LYNX1: variants seen among roughly 807,000 people sequenced by gnomAD.
LYNX1 encodes the protein Ly6/neurotoxin 1, also known as ly-6/neurotoxin-like protein 1.
LYNX1 carries 8 observed loss-of-function variants against 8.3 expected under a neutral mutation model. That is an observed-to-expected ratio of 0.97 (90% CI 0.57 to 1.74). The LOEUF (loss-of-function observed/expected upper bound fraction) is 1.74. Ranked by LOEUF, LYNX1 falls within the 40% of genes most tolerant of loss-of-function variation. The probability of loss-of-function intolerance (pLI) is 0.00; values close to 1 mark genes in which losing one functional copy is unlikely to be tolerated. For missense variants in LYNX1, 158 were observed against 159.7 expected (o/e 0.99, Z 0.06); for synonymous variants, 73 against 67.9 (o/e 1.08, Z -0.37).
chr8:142,775,701 T>G lies in LYNX1; in HGVS notation c.53-7A>C, dbSNP rs373637760. On this transcript the variant is annotated splice_polypyrimidine_tract_variant and splice_region_variant and intron_variant, in intron 2 of 3. Coordinates refer to ENST00000652477, the MANE Select transcript of LYNX1 (RefSeq NM_177477.4). Reference sequence around the variant, plus strand: ...TGGCAGTCCAAGGCCTGGGCTGGGGTTGGCAGATGGGCGGGAAGGGAACGG... The same window carrying G: ...TGGCAGTCCAAGGCCTGGGCTGGGGGTGGCAGATGGGCGGGAAGGGAACGG... 6.3e-6 allele frequency: 10 copies of G among 1,588,752 alleles called. No homozygotes were observed. Among genetic ancestry groups the G allele is most frequent in the Non-Finnish European group, 8.6e-6 (10 of 1,167,506 alleles).
In LYNX1 at chr8:142,773,537, GC is replaced by G; in HGVS notation, c.*1629del. The G allele has an allele frequency of 1.0e-6, 1 of 985,548 alleles. No individual in the cohort carries two copies. Among genetic ancestry groups the G allele is most frequent in the Non-Finnish European group, 1.2e-6 (1 of 830,046 alleles). The allele number at this position is 985,548 out of a possible 1,614,324, so 61.1% of individuals were successfully genotyped here. ...TCCTCCTCCAGCGGGAACTGGGTGT[GC>G]CCTCAGCAAGACTCTGCCCCCTCCC... On this transcript the variant is annotated 3_prime_UTR_variant, in exon 4 of 4. Coordinates refer to ENST00000652477, the MANE Select transcript of LYNX1 (RefSeq NM_177477.4).
rs1815255146 is a variant in LYNX1 at position 142,773,226 on chromosome 8, T to C, written c.*1941A>G. The C allele has an allele frequency of 4.1e-6, 4 of 985,436 alleles. No homozygotes were observed. Among genetic ancestry groups the C allele is most frequent in the African/African-American group, 3.5e-5 (2 of 57,254 alleles). 61.0% of individuals were successfully genotyped at this position (985,436 alleles called of 1,614,324 possible). On this transcript the variant is annotated 3_prime_UTR_variant, in exon 4 of 4. Coordinates refer to ENST00000652477, the MANE Select transcript of LYNX1 (RefSeq NM_177477.4). ...TGGCTGCAGCTGAGAGGGCCTCATT[T>C]GGGCACTGCCCTGAGGCTGGCACTT... is the stretch of plus-strand genomic sequence containing the variant.
intron 3 of LYNX1, 23 bp downstream of exon 3, chr8:142,775,570 C>T: frequency 1.3e-6 from 2 of 1,570,730 alleles, no homozygotes; most frequent in South Asian, 1.2e-5. Context: ...CCAGGCAGGG[C>T]CACGCAGGGC....
intron 1 of LYNX1, chr8:142,776,703 T>A (rs999602833): frequency 6.6e-6 from 1 of 152,350 alleles, no homozygotes; most frequent in Non-Finnish European, 1.5e-5. Flanking sequence ...TGTGCCCAGC[T>A]TGGGGGGAAT....
chr8:142,775,211 C>T lies in LYNX1; in HGVS notation c.307G>A (p.Ala103Thr). Residue 103 changes from alanine (A) to threonine (T), a missense_variant, in exon 4 of 4, where the codon GCC becomes ACC. Transcript: ENST00000652477. ...GTGGCCAGGAGGATGGGGGCCAGGG[C>T]CAGGGTGGCCGGGGTGGCAAGGCCG... ...GTGLATPATL[A>T]LAPILLATLW... 6.2e-7 allele frequency: 1 copy of T among 1,612,940 alleles called. No individual in the cohort carries two copies. Among genetic ancestry groups the T allele is most frequent in the East Asian group, 2.2e-5 (1 of 44,854 alleles).
chr8:142,775,675 G>A lies in LYNX1; in HGVS notation c.72C>T (p.His24=), dbSNP rs775935859. 10 of 1,600,586 alleles carry A rather than the reference G, an allele frequency of 6.2e-6. No individual in the cohort carries two copies. Among genetic ancestry groups the A allele is most frequent in the Middle Eastern group, 1.6e-4 (1 of 6,076 alleles). Residue 24 remains histidine, a synonymous_variant, in exon 3 of 4, where the codon CAC becomes CAT. Transcript: ENST00000652477. ...GLPLAQALDC[H]VCAYNGDNCF... The stretch of plus-strand genomic sequence containing the variant: ...AGTTGTCTCCGTTGTAGGCACACAC[G>A]TGGCAGTCCAAGGCCTGGGCTGGGG...
In LYNX1 at chr8:142,776,128, A is replaced by G. The variant is rs1815415560; in HGVS notation, c.-164-7T>C. ...TACTGGGAGTGCTGCAACCCTGCACAGCAGGTGGCAAAGACAGGTGGTCAG... is the reference window on the plus strand; with the variant it reads ...TACTGGGAGTGCTGCAACCCTGCACGGCAGGTGGCAAAGACAGGTGGTCAG... On this transcript the variant is annotated splice_polypyrimidine_tract_variant and splice_region_variant and intron_variant, in intron 1 of 3. Coordinates refer to ENST00000652477, the MANE Select transcript of LYNX1 (RefSeq NM_177477.4). The G allele has an allele frequency of 1.4e-6, 1 of 731,646 alleles. No individual in the cohort carries two copies. Among genetic ancestry groups the G allele is most frequent in the African/African-American group, 1.7e-5 (1 of 57,810 alleles). 45.3% of individuals were successfully genotyped at this position (731,646 alleles called of 1,614,324 possible). A position where few individuals can be genotyped will look rare whatever the true frequency, so the allele number is the denominator to read the frequency against.
chr8:142,775,678 G>A lies in LYNX1; in HGVS notation c.69C>T (p.Cys23=), dbSNP rs34798388. ...TGTCTCCGTTGTAGGCACACACGTG[G>A]CAGTCCAAGGCCTGGGCTGGGGTTG... ...MGLPLAQALD[C]HVCAYNGDNC... is the part of the protein sequence containing the mutation. The change falls in exon 3 of 4, where the codon TGC becomes TGT. Residue 23 remains cysteine (C), a synonymous_variant. Coordinates refer to ENST00000652477, the MANE Select transcript of LYNX1 (RefSeq NM_177477.4). 0.01 allele frequency: 16,213 copies of A among 1,598,770 alleles called. 119 individuals are homozygous for A. The highest frequency in any genetic ancestry group is 0.012 in the Non-Finnish European group (13,950 of 1,172,680).
chr8:142,775,081 G>A lies in LYNX1; in HGVS notation c.*86C>T. 1 of 1,512,240 alleles carries A rather than the reference G, an allele frequency of 6.6e-7. No homozygotes were observed. Among genetic ancestry groups the A allele is most frequent in the Non-Finnish European group, 8.8e-7 (1 of 1,132,474 alleles). 93.7% of individuals were successfully genotyped at this position (1,512,240 alleles called of 1,614,324 possible). On this transcript the variant is annotated 3_prime_UTR_variant, in exon 4 of 4. Coordinates refer to ENST00000652477, the MANE Select transcript of LYNX1 (RefSeq NM_177477.4). Reference sequence around the variant, plus strand: ...TGGCTGAGGAGGTCGCAGGGAGTGTGGAGGGTGAGGCAGGGTGAGCTGGGT... The same window carrying A: ...TGGCTGAGGAGGTCGCAGGGAGTGTAGAGGGTGAGGCAGGGTGAGCTGGGT...
Position 142,773,524 on chromosome 8 carries a change from G to A in LYNX1, c.*1643C>T, listed in dbSNP as rs1263205171. 1.2e-5 allele frequency: 12 copies of A among 985,366 alleles called. No individual in the cohort carries two copies. Among genetic ancestry groups the A allele is most frequent in the East Asian group, 2.3e-4 (2 of 8,806 alleles). The allele number at this position is 985,366 out of a possible 1,614,324, so 61.0% of individuals were successfully genotyped here. On this transcript the variant is annotated 3_prime_UTR_variant, in exon 4 of 4. Transcript: ENST00000652477. ...AAGACTGGCACTGTCCTCCTCCAGC[G>A]GGAACTGGGTGTGCCCTCAGCAAGA...
chr8:142,771,266 T>C lies in LYNX1; in HGVS notation c.*3901A>G. 1 of 985,404 alleles carries C rather than the reference T, an allele frequency of 1.0e-6. No individual in the cohort carries two copies. The highest frequency in any genetic ancestry group is 1.2e-6 in the Non-Finnish European group (1 of 829,976). The allele number at this position is 985,404 out of a possible 1,614,324, so 61.0% of individuals were successfully genotyped here. A position where few individuals can be genotyped will look rare whatever the true frequency, so the allele number is the denominator to read the frequency against. On this transcript the variant is annotated 3_prime_UTR_variant, in exon 4 of 4. Transcript: ENST00000652477. ...GCTGGACGCTGGTTAGGGTAAGGGT[T>C]AGGGCAAGCATTAGCAGCAGGGGCA...
Position 142,774,690 on chromosome 8 carries a change from G to A in LYNX1, c.*477C>T. 6.0e-6 allele frequency: 6 copies of A among 996,324 alleles called. No individual in the cohort carries two copies. Among genetic ancestry groups the A allele is most frequent in the Non-Finnish European group, 7.2e-6 (6 of 836,688 alleles). The allele number at this position is 996,324 out of a possible 1,614,324, so 61.7% of individuals were successfully genotyped here. Reference sequence around the variant, plus strand: ...CCCGTACCGGTCCTGGCAGCTCCTGGCCTCAGTAGGAAGCGTGACTAGGCC... The same window carrying A: ...CCCGTACCGGTCCTGGCAGCTCCTGACCTCAGTAGGAAGCGTGACTAGGCC... On this transcript the variant is annotated 3_prime_UTR_variant, in exon 4 of 4. Coordinates refer to ENST00000652477, the MANE Select transcript of LYNX1 (RefSeq NM_177477.4).
chr8:142,774,913 A>T lies in LYNX1; in HGVS notation c.*254T>A, dbSNP rs1815336765. ...GGCCCCTCCCCATAAATAGCCCTGG[A>T]CAGGCGAGGGGCTGATCAGCCCATC... On this transcript the variant is annotated 3_prime_UTR_variant, in exon 4 of 4. Transcript: ENST00000652477. The T allele has an allele frequency of 2.9e-6, 4 of 1,387,904 alleles. No homozygotes were observed. Among genetic ancestry groups the T allele is most frequent in the Non-Finnish European group, 3.7e-6 (4 of 1,072,748 alleles). The allele number at this position is 1,387,904 out of a possible 1,614,324, so 86.0% of individuals were successfully genotyped here. A position where few individuals can be genotyped will look rare whatever the true frequency, so the allele number is the denominator to read the frequency against.
chr8:142,775,549 C>G (rs2304398), intron 3 of LYNX1, 44 bp downstream of exon 3: 520,967 of 1,558,926 alleles, frequency 0.33, 92,800 homozygotes, highest in Non-Finnish European at 0.36. Flanking sequence ...AGAACCTCCC[C>G]TTCGTGCTCC....
In LYNX1 at chr8:142,774,425, T is replaced by C. The variant is rs1815316210; in HGVS notation, c.*742A>G. The C allele has an allele frequency of 1.0e-6, 1 of 985,940 alleles. No individual in the cohort carries two copies. The highest frequency in any genetic ancestry group is 1.2e-6 in the Non-Finnish European group (1 of 830,196). The allele number at this position is 985,940 out of a possible 1,614,324, so 61.1% of individuals were successfully genotyped here. On this transcript the variant is annotated 3_prime_UTR_variant, in exon 4 of 4. Transcript: ENST00000652477. ...GGACCCACCAAATATAGCATGGCCC[T>C]AGCTCCTGCCAGCTTCAGGCCTGGT...
In LYNX1 at chr8:142,771,932, C is replaced by T; in HGVS notation, c.*3235G>A. The T allele has an allele frequency of 1.0e-6, 1 of 986,038 alleles. No homozygotes were observed. The highest frequency in any genetic ancestry group is 4.7e-5 in the South Asian group (1 of 21,298). 61.1% of individuals were successfully genotyped at this position (986,038 alleles called of 1,614,324 possible). The stretch of plus-strand genomic sequence containing the variant: ...CCCCATGCTGACCTGGCCATGTCCC[C>T]AGGTCCCACCCCAGGGTCACTTCCT... On this transcript the variant is annotated 3_prime_UTR_variant, in exon 4 of 4. Transcript: ENST00000652477.
chr8:142,773,947 G>A lies in LYNX1; in HGVS notation c.*1220C>T, dbSNP rs1326124067. 4.1e-6 allele frequency: 4 copies of A among 985,260 alleles called. No individual in the cohort carries two copies. The highest frequency in any genetic ancestry group is 4.8e-6 in the Non-Finnish European group (4 of 829,916). The allele number at this position is 985,260 out of a possible 1,614,324, so 61.0% of individuals were successfully genotyped here. On this transcript the variant is annotated 3_prime_UTR_variant, in exon 4 of 4. Coordinates refer to ENST00000652477, the MANE Select transcript of LYNX1 (RefSeq NM_177477.4). ...TTCACAGCAGGGGCAGGTGCTCCCT[G>A]GGCTACCTGCATCGGGGATGGATTG...
In LYNX1 at chr8:142,775,627, C is replaced by T. The variant is rs141786371; in HGVS notation, c.120G>A (p.Pro40=). 4.6e-4 allele frequency: 731 copies of T among 1,601,780 alleles called. 3 individuals are homozygous for T. Among genetic ancestry groups the T allele is most frequent in the South Asian group, 8.3e-4 (74 of 88,724 alleles). The stretch of plus-strand genomic sequence containing the variant: ...TGGTCATGCAGTAGGCAACCATAGC[C>T]GGGCAGCGCATGGGGTTGAAGCAGT... ...GDNCFNPMRC[P]AMVAYCMTTR... is the part of the protein sequence containing the mutation. Residue 40 remains proline, a synonymous_variant, in exon 3 of 4, where the codon CCG becomes CCA. Transcript: ENST00000652477.
chr8:142,773,692 G>C lies in LYNX1; in HGVS notation c.*1475C>G. ...AGACCCTCATTCCCTGATCCCCCAG[G>C]GGTCCTGCATCAAAGCTCTGGAGAT... On this transcript the variant is annotated 3_prime_UTR_variant, in exon 4 of 4. Transcript: ENST00000652477. The C allele has an allele frequency of 6.1e-6, 6 of 985,276 alleles. No homozygotes were observed. Among genetic ancestry groups the C allele is most frequent in the Non-Finnish European group, 7.2e-6 (6 of 829,918 alleles). The allele number at this position is 985,276 out of a possible 1,614,324, so 61.0% of individuals were successfully genotyped here.
Sources: gnomAD v4.1 joint callset for allele counts on GRCh38, gnomAD v4.1.1 for gene constraint, MANE v1.5 for transcripts, NCBI Gene and HGNC (gene_info 2026-07-23, HGNC 2026-07-21) for gene names.